Variants in SPIDR observed in about 807,000 individuals in gnomAD.
SPIDR encodes the protein scaffold protein involved in DNA repair.
SPIDR carries 93 observed loss-of-function variants against 104.6 expected under a neutral mutation model. The observed-to-expected ratio is 0.89, with a 90% CI of 0.75 to 1.06. The LOEUF (loss-of-function observed/expected upper bound fraction) is 1.06, where lower values mean the gene tolerates loss of function less well. Among genes scored for constraint, SPIDR ranks in the 50% least tolerant of loss-of-function variants. SPIDR has a pLI of 0.00. For synonymous variants in SPIDR, 431 were observed against 416.9 expected (o/e 1.03, Z -0.41); for missense variants, 1,154 against 1,111.2 (o/e 1.04, Z -0.55).
chr8:47,288,075 C>G (rs373750174), intron 3 of SPIDR, among the ~76,000 whole-genome samples: 7 of 152,054 alleles, frequency 4.6e-5, no homozygotes, highest in Non-Finnish European at 1.0e-4. Context: ...GGCTCCAGCT[C>G]GTCCCTCTGT....
intron 1 of SPIDR, among the ~76,000 whole-genome samples, chr8:47,263,428 A>G (rs776520747): frequency 1.6e-4 from 24 of 150,312 alleles, no homozygotes; most frequent in Non-Finnish European, 3.4e-4. Flanking sequence ...TCTGTCGCCC[A>G]GGCTGGAGTG....
At chr8:47,360,566 G>A (rs551185275) in intron 5 of SPIDR, among the ~76,000 whole-genome samples, 90 of 152,278 alleles carry the variant, frequency 5.9e-4, no homozygotes, top group African/African-American at 2.0e-3. Context: ...TTTGACTGGA[G>A]AGGCTGCCAT....
intron 8 of SPIDR, among the ~76,000 whole-genome samples, chr8:47,538,331 G>A (rs1209412279): frequency 6.6e-6 from 1 of 152,122 alleles, no homozygotes; most frequent in Non-Finnish European, 1.5e-5. Context: ...ATCACCTGAG[G>A]TCAGGAGTTC....
At chr8:47,659,679 C>T in intron 10 of SPIDR, 1 of 984,910 alleles carries the variant, frequency 1.0e-6, no homozygotes, top group South Asian at 4.7e-5. Flanking sequence ...TCAGCGGCTC[C>T]CTTGCGCTCA....
intron 5 of SPIDR, among the ~76,000 whole-genome samples, chr8:47,390,843 A>G (rs1030493041): frequency 6.6e-6 from 1 of 152,154 alleles, no homozygotes; most frequent in Non-Finnish European, 1.5e-5. Flanking sequence ...TCAAAAACAA[A>G]TCTGTCTTGT....
intron 5 of SPIDR, among the ~76,000 whole-genome samples, chr8:47,348,307 C>G (rs868972205): frequency 6.6e-6 from 1 of 152,118 alleles, no homozygotes; most frequent in Non-Finnish European, 1.5e-5. Context: ...GAGTGTCTGC[C>G]GAGATATCCT....
intron 7 of SPIDR, among the ~76,000 whole-genome samples, chr8:47,429,174 G>T (rs1446945058): frequency 6.6e-6 from 1 of 152,150 alleles, no homozygotes; most frequent in African/African-American, 2.4e-5. Context: ...ACAGTAAAGA[G>T]TTCTTACTAG....
chr8:47,303,938 A>T (rs2042691404), intron 5 of SPIDR, among the ~76,000 whole-genome samples: 1 of 152,084 alleles, frequency 6.6e-6, no homozygotes, highest in African/African-American at 2.4e-5. Context: ...CGGCCTCCCA[A>T]AGTGCTGAGA....
chr8:47,735,719 A>AT lies in SPIDR; in HGVS notation c.*272dup. 1.0e-5 allele frequency: 8 copies of AT among 773,748 alleles called. No homozygotes were observed. The highest frequency in any genetic ancestry group is 1.4e-5 in the Non-Finnish European group (7 of 509,016). The allele number at this position is 773,748 out of a possible 1,614,324, so 47.9% of individuals were successfully genotyped here. ...ATTGAATCTTAAGTTTAAGCTCTTC[A>AT]TTTGGTATTTAGGCAATATATGAGA... On this transcript the variant is annotated 3_prime_UTR_variant, in exon 20 of 20. Transcript: ENST00000297423.
intron 10 of SPIDR, among the ~76,000 whole-genome samples, chr8:47,645,487 T>A (rs1479498291): frequency 2.0e-5 from 3 of 152,052 alleles, no homozygotes; most frequent in African/African-American, 7.2e-5. Context: ...AAATTGGATA[T>A]GCGCTTACCG....
At chr8:47,713,849 A>G (rs2082202626) in intron 16 of SPIDR, among the ~76,000 whole-genome samples, 1 of 152,158 alleles carries the variant, frequency 6.6e-6, no homozygotes, top group Non-Finnish European at 1.5e-5. Context: ...AGACAGGCCT[A>G]TCCTCAGGCT....
At chr8:47,556,893 C>T (rs1180703692) in intron 8 of SPIDR, among the ~76,000 whole-genome samples, 15 of 152,128 alleles carry the variant, frequency 9.9e-5, no homozygotes, top group African/African-American at 3.6e-4. Flanking sequence ...CATGAACCAC[C>T]GCGCCCAGCC....
At chr8:47,394,052 GT>G (rs1437911218) in intron 5 of SPIDR, among the ~76,000 whole-genome samples, 1 of 152,048 alleles carries the variant, frequency 6.6e-6, no homozygotes, top group Non-Finnish European at 1.5e-5. Context: ...GACTACAGGT[GT>G]GTGCCACCAC....
chr8:47,709,776 C>A (rs970767197), intron 14 of SPIDR, among the ~76,000 whole-genome samples: 1 of 152,144 alleles, frequency 6.6e-6, no homozygotes. Context: ...AGAGAGACCA[C>A]TGGCCAAATC....
intron 7 of SPIDR, among the ~76,000 whole-genome samples, chr8:47,429,056 C>G (rs185002881): frequency 6.6e-6 from 1 of 152,270 alleles, no homozygotes; most frequent in African/African-American, 2.4e-5. Context: ...CTGAACTATT[C>G]AAGTCAGGAA....
chr8:47,598,881 C>G, intron 9 of SPIDR, 65 bp from the exon 10 acceptor site: 1 of 1,597,838 alleles, frequency 6.3e-7, no homozygotes. Flanking sequence ...CAGCATGTTG[C>G]TTGTTGTTAG....
chr8:47,373,354 G>A (rs1370615263), intron 5 of SPIDR, among the ~76,000 whole-genome samples: 5 of 152,190 alleles, frequency 3.3e-5, no homozygotes, highest in Non-Finnish European at 7.3e-5. Flanking sequence ...TTTACTTATA[G>A]TGTGGAGAAA....
At chr8:47,684,221 T>C (rs984545553) in intron 11 of SPIDR, among the ~76,000 whole-genome samples, 7 of 150,740 alleles carry the variant, frequency 4.6e-5, no homozygotes, top group African/African-American at 1.7e-4. Context: ...TAAAAACAAA[T>C]TTTTTAGAAG....
chr8:47,408,696 A>G (rs996729878), intron 7 of SPIDR, among the ~76,000 whole-genome samples: 4 of 152,188 alleles, frequency 2.6e-5, no homozygotes, highest in East Asian at 1.9e-4. Context: ...AGAAAACCCT[A>G]TAAGACACCC....
Sources: gnomAD v4.1 joint callset for allele counts (sites outside exome capture counted in the v4.1 genomes callset) on GRCh38, gnomAD v4.1.1 for gene constraint, MANE v1.5 for transcripts, NCBI Gene and HGNC (gene_info 2026-07-23, HGNC 2026-07-21) for gene names.